The following ANP32A variants were observed in gnomAD, a reference collection of about 807,000 sequenced individuals.
ANP32A encodes the protein acidic leucine-rich nuclear phosphoprotein 32 family member A.
In ANP32A, 1 loss-of-function variant was observed where a neutral mutation model predicts 33.9. The observed-to-expected ratio is 0.03, with a 90% CI of 0.01 to 0.14. ANP32A has a LOEUF of 0.14. Ranked by LOEUF, ANP32A falls within the 10% of genes least tolerant of loss-of-function variation. ANP32A has a pLI of 1.00. For missense variants in ANP32A, 155 were observed against 306.0 expected, an observed-to-expected ratio of 0.51 and a Z score of 3.68; for synonymous variants, 115 against 120.5, an observed-to-expected ratio of 0.95 and a Z score of 0.30.
At chr15:68,804,139 A>G (rs776813187) in intron 1 of ANP32A, among the ~76,000 whole-genome samples, 22 of 152,186 alleles carry the variant, frequency 1.4e-4, no homozygotes, top group Non-Finnish European at 2.9e-4. Context: ...TTTTGGCATA[A>G]TCTATTTCGC....
At chr15:68,803,007 C>T (rs1026201113) in intron 1 of ANP32A, among the ~76,000 whole-genome samples, 8 of 152,086 alleles carry the variant, frequency 5.3e-5, no homozygotes, top group African/African-American at 2.4e-5. Context: ...ATTCAATACA[C>T]GCTCCTCAGA....
intron 1 of ANP32A, among the ~76,000 whole-genome samples, chr15:68,820,492 C>G (rs545485889): frequency 6.6e-6 from 1 of 152,266 alleles, no homozygotes; most frequent in Admixed American, 6.5e-5. Context: ...TAGTCACACA[C>G]CAAGGGCAGC....
At chr15:68,811,772 T>C (rs1332704955) in intron 1 of ANP32A, among the ~76,000 whole-genome samples, 2 of 152,214 alleles carry the variant, frequency 1.3e-5, no homozygotes, top group East Asian at 1.9e-4. Flanking sequence ...GTTTCGCTCG[T>C]TGCCCAGGCT....
chr15:68,787,305 A>G, intron 3 of ANP32A, 108 bp downstream of exon 3: 1 of 1,481,094 alleles, frequency 6.8e-7, no homozygotes. Flanking sequence ...ACATCATGAG[A>G]GTCAAAAAAA....
intron 3 of ANP32A, among the ~76,000 whole-genome samples, chr15:68,785,392 A>G (rs1893919354): frequency 6.6e-6 from 1 of 152,112 alleles, no homozygotes. Context: ...ACTGAGCTAC[A>G]TTTTGACTTC....
intron 3 of ANP32A, 89 bp from the exon 4 acceptor site, chr15:68,784,684 G>T: frequency 7.0e-7 from 1 of 1,425,808 alleles, no homozygotes; most frequent in Non-Finnish European, 9.8e-7. Context: ...GATGCCATGA[G>T]ATAGCATGCG....
At position 68,780,271 on chromosome 15, in the gene ANP32A, T is replaced by C. The variant is rs1893850506; in HGVS notation, c.689-129A>G. On this transcript the variant is annotated intron_variant, in intron 6 of 6. Coordinates refer to ENST00000465139, the MANE Select transcript of ANP32A (RefSeq NM_006305.4). The surrounding 1 kb of genome is among the most constrained non-coding windows in gnomAD (Gnocchi z 4.3). ...CATCCTTGGAAACCGAGGCAAGACA[T>C]CTGCACAGCTGGAAGGGGAATCTGA... 2 of 1,562,678 alleles carry C rather than the reference T, an allele frequency of 1.3e-6. No individual in the cohort carries two copies. Among genetic ancestry groups the C allele is most frequent in the African/African-American group, 1.4e-5 (1 of 73,390 alleles).
chr15:68,783,071 G>A lies in ANP32A; in HGVS notation c.527-18C>T. On this transcript the variant is annotated intron_variant, in intron 4 of 6. Coordinates refer to ENST00000465139, the MANE Select transcript of ANP32A (RefSeq NM_006305.4). ...CTCCTCCTCTGTGCAATCGAAATGG[G>A]GAACGGAAACAGAACTAGTGGTGAG... The A allele has an allele frequency of 6.4e-7, 1 of 1,551,622 alleles. No homozygotes were observed. Among genetic ancestry groups the A allele is most frequent in the Non-Finnish European group, 8.7e-7 (1 of 1,146,946 alleles).
At chr15:68,809,968 T>C (rs1449829691) in intron 1 of ANP32A, among the ~76,000 whole-genome samples, 1 of 152,142 alleles carries the variant, frequency 6.6e-6, no homozygotes, top group Non-Finnish European at 1.5e-5. Flanking sequence ...AGTTACAAAC[T>C]GAAGCACTCT....
chr15:68,793,060 A>C (rs1019749292), intron 1 of ANP32A, among the ~76,000 whole-genome samples: 3 of 152,018 alleles, frequency 2.0e-5, no homozygotes, highest in Non-Finnish European at 4.4e-5. Context: ...TCTCCAACCC[A>C]GCTCTGTGCA....
At chr15:68,819,447 C>A (rs1260258645) in intron 1 of ANP32A, among the ~76,000 whole-genome samples, 1 of 152,350 alleles carries the variant, frequency 6.6e-6, no homozygotes, top group East Asian at 1.9e-4. Context: ...GTGTAAGTTT[C>A]CTCCGGCCGT....
chr15:68,786,017 G>C (rs1415076305), intron 3 of ANP32A, among the ~76,000 whole-genome samples: 2 of 152,192 alleles, frequency 1.3e-5, no homozygotes, highest in African/African-American at 4.8e-5. Flanking sequence ...GACAGGTAAA[G>C]AGCTTGGAAA....
intron 1 of ANP32A, among the ~76,000 whole-genome samples, chr15:68,813,963 G>A (rs563965513): frequency 1.1e-3 from 159 of 139,724 alleles, no homozygotes; most frequent in African/African-American, 4.0e-3. Context: ...TCTGCCTCCC[G>A]GGTTCACGGC....
chr15:68,789,520 G>C (rs1347932302), intron 1 of ANP32A: 3 of 152,322 alleles, frequency 2.0e-5, no homozygotes, highest in African/African-American at 4.8e-5. Context: ...CTCTTACTCA[G>C]GCATCTCTGG....
chr15:68,807,700 C>T (rs2924630), intron 1 of ANP32A, among the ~76,000 whole-genome samples: 2 of 152,000 alleles, frequency 1.3e-5, no homozygotes, highest in Admixed American at 6.5e-5. Flanking sequence ...GTGCTAACAA[C>T]AAGCTCTGGG....
intron 1 of ANP32A, among the ~76,000 whole-genome samples, chr15:68,799,745 G>A (rs1308917916): frequency 2.0e-5 from 3 of 152,090 alleles, no homozygotes; most frequent in Non-Finnish European, 4.4e-5. Flanking sequence ...AAAATTTAAA[G>A]AACAAATTTG....
chr15:68,804,818 T>C (rs1288796467), intron 1 of ANP32A, among the ~76,000 whole-genome samples: 3 of 152,270 alleles, frequency 2.0e-5, no homozygotes, highest in Non-Finnish European at 4.4e-5. Context: ...CGGCTGTGTC[T>C]GCCTTTGAGA....
intron 1 of ANP32A, among the ~76,000 whole-genome samples, chr15:68,818,530 G>A (rs1189211499): frequency 6.6e-6 from 1 of 151,992 alleles, no homozygotes; most frequent in Non-Finnish European, 1.5e-5. Flanking sequence ...CTCCAGGCAG[G>A]GGGCAGGCGT....
intron 1 of ANP32A, among the ~76,000 whole-genome samples, chr15:68,795,434 G>A (rs1204738873): frequency 3.9e-5 from 6 of 152,204 alleles, no homozygotes; most frequent in Non-Finnish European, 7.3e-5. Context: ...AAGCTGAGGC[G>A]CGCTGCAGCG....
Sources: gnomAD v4.1 joint callset for allele counts (sites outside exome capture counted in the v4.1 genomes callset) on GRCh38, gnomAD v4.1.1 for gene constraint, Gnocchi (gnomAD v3.1) non-coding constraint, MANE v1.5 for transcripts, NCBI Gene and HGNC (gene_info 2026-07-23, HGNC 2026-07-21) for gene names.